Variants in TENM1 observed in about 807,000 individuals in gnomAD.
TENM1 encodes the protein teneurin transmembrane protein 1.
A neutral mutation model predicts 174.8 loss-of-function variants in TENM1; 35 were observed. That is an observed-to-expected ratio of 0.20 (90% confidence interval 0.15 to 0.27). TENM1 has a LOEUF of 0.27. Ranked by LOEUF, TENM1 falls within the 10% of genes least tolerant of loss-of-function variation. TENM1 has a pLI of 1.00. For missense variants in TENM1, 1,633 were observed against 2,130.1 expected, an observed-to-expected ratio of 0.77 and a Z score of 4.59; for synonymous variants, 781 against 798.7, an observed-to-expected ratio of 0.98 and a Z score of 0.37.
the TENM1 span, among the ~76,000 whole-genome samples, chrX:125,137,422 CT>C: frequency 0.019 from 1,832 of 98,546 alleles, 39 homozygotes; most frequent in African/African-American, 0.056. Flanking sequence ...CAGCACAATA[CT>C]TTTTTTTTTT....
the TENM1 span, among the ~76,000 whole-genome samples, chrX:125,131,560 T>C: frequency 8.9e-6 from 1 of 112,110 alleles, no homozygotes; most frequent in Non-Finnish European, 1.9e-5. Context: ...GGGATTTCTC[T>C]GGTGGCAGGC....
At chrX:124,614,764 T>A (rs1440046329) in intron 11 of TENM1, among the ~76,000 whole-genome samples, 1 of 112,143 alleles carries the variant, frequency 8.9e-6, no homozygotes, top group Non-Finnish European at 1.9e-5. Flanking sequence ...ATGTCTGTAG[T>A]CCCAGCTACT....
chrX:125,014,816 G>A, the TENM1 span, among the ~76,000 whole-genome samples: 71 of 111,401 alleles, frequency 6.4e-4, no homozygotes, highest in African/African-American at 2.2e-3. Context: ...TTTTATATTT[G>A]TAAAATGGAA....
At chrX:124,690,484 A>AGT (rs58386633) in intron 5 of TENM1, among the ~76,000 whole-genome samples, 18,006 of 93,226 alleles carry the variant, frequency 0.19, 1,472 homozygotes, top group East Asian at 0.35. Flanking sequence ...GCTTTGTTAG[A>AGT]GTGTGTGTGT....
chrX:124,737,552 G>A (rs946417852), intron 3 of TENM1, among the ~76,000 whole-genome samples: 1 of 112,115 alleles, frequency 8.9e-6, no homozygotes, highest in Non-Finnish European at 1.9e-5. Flanking sequence ...ATTTCCATCA[G>A]TTGCAAAATT....
chrX:125,147,941 T>C, the TENM1 span, among the ~76,000 whole-genome samples: 3 of 111,990 alleles, frequency 2.7e-5, no homozygotes, highest in African/African-American at 9.7e-5. Context: ...CAATGACTTT[T>C]TCTCTTATTC....
the TENM1 span, among the ~76,000 whole-genome samples, chrX:125,095,101 G>A: frequency 2.7e-5 from 3 of 111,746 alleles, no homozygotes; most frequent in Non-Finnish European, 5.6e-5. Flanking sequence ...AAGTGACTCA[G>A]CTAGAAAATG....
chrX:124,549,600 G>T (rs2048512983), intron 14 of TENM1, among the ~76,000 whole-genome samples: 1 of 111,396 alleles, frequency 9.0e-6, no homozygotes, highest in Non-Finnish European at 1.9e-5. Flanking sequence ...ATCTAGTAAT[G>T]TTCTATACAT....
the TENM1 span, among the ~76,000 whole-genome samples, chrX:125,130,652 G>T: frequency 2.8e-5 from 3 of 106,202 alleles, no homozygotes; most frequent in Non-Finnish European, 5.9e-5. Flanking sequence ...TTTTAAGTCA[G>T]CTTGACTTTA....
chrX:124,883,133 G>C (rs1278737198), intron 3 of TENM1, among the ~76,000 whole-genome samples: 2 of 111,633 alleles, frequency 1.8e-5, no homozygotes, highest in Non-Finnish European at 3.8e-5. Flanking sequence ...GCTTTTTAAT[G>C]TTTCTTTTGT....
intron 3 of TENM1, among the ~76,000 whole-genome samples, chrX:124,753,006 T>C (rs914290748): frequency 1.8e-5 from 2 of 110,807 alleles, no homozygotes; most frequent in Admixed American, 9.6e-5. Flanking sequence ...GAACGTTAGT[T>C]TTTTCCAATT....
chrX:125,085,243 T>G, the TENM1 span, among the ~76,000 whole-genome samples: 1 of 111,297 alleles, frequency 9.0e-6, no homozygotes, highest in Non-Finnish European at 1.9e-5. Flanking sequence ...AAACATGGTT[T>G]TAAATACCTG....
the TENM1 span, among the ~76,000 whole-genome samples, chrX:125,124,526 C>T: frequency 2.8e-4 from 31 of 111,834 alleles, no homozygotes; most frequent in African/African-American, 9.1e-4. Context: ...CCAAATGCGA[C>T]TAGGAAGCAG....
the TENM1 span, among the ~76,000 whole-genome samples, chrX:125,027,586 C>A: frequency 9.2e-6 from 1 of 108,606 alleles, no homozygotes; most frequent in African/African-American, 3.4e-5. Flanking sequence ...ATAACCATAA[C>A]TGACAAAGAT....
At chrX:124,823,810 C>G (rs1273913418) in intron 3 of TENM1, among the ~76,000 whole-genome samples, 1 of 111,273 alleles carries the variant, frequency 9.0e-6, no homozygotes. Flanking sequence ...ATCTTGTCAT[C>G]CAGAGGTAAC....
At chrX:124,561,575 A>C in intron 14 of TENM1, 96 bp downstream of exon 17, 67 of 968,546 alleles carry the variant, frequency 6.9e-5, no homozygotes, top group Non-Finnish European at 8.7e-5. Context: ...CATTTATACT[A>C]GAGATTCCTA....
chrX:124,394,933 T>C (rs2060318015), intron 27 of TENM1, among the ~76,000 whole-genome samples: 1 of 112,214 alleles, frequency 8.9e-6, no homozygotes, highest in Admixed American at 9.4e-5. Flanking sequence ...GTTTTTGTTT[T>C]TCTCTTTCAT....
chrX:124,941,341 T>C (rs2058323325), intron 1 of TENM1, among the ~76,000 whole-genome samples: 1 of 112,240 alleles, frequency 8.9e-6, no homozygotes, highest in Non-Finnish European at 1.9e-5. Flanking sequence ...TTATTTGTTC[T>C]TTCTTGTCTT....
At chrX:124,686,411 A>C (rs1055187726) in intron 5 of TENM1, among the ~76,000 whole-genome samples, 1 of 112,379 alleles carries the variant, frequency 8.9e-6, no homozygotes, top group African/African-American at 3.2e-5. Flanking sequence ...TAAATATTAG[A>C]ACATACAAAA....
Sources: gnomAD v4.1 joint callset for allele counts (sites outside exome capture counted in the v4.1 genomes callset) on GRCh38, gnomAD v4.1.1 for gene constraint, MANE v1.5 for transcripts, NCBI Gene and HGNC (gene_info 2026-07-23, HGNC 2026-07-21) for gene names.